SRPK2: variants seen among roughly 807,000 people sequenced by gnomAD.
The protein encoded by SRPK2 is SFRS protein kinase 2.
Under a neutral mutation model 90.8 loss-of-function variants are expected in SRPK2, and 21 were observed. The ratio of observed to expected loss-of-function variants is 0.23; its 90% CI spans 0.16 to 0.33. SRPK2 has a LOEUF of 0.33. SRPK2 is among the 10% of genes least tolerant of loss of function. SRPK2 has a pLI of 1.00. For synonymous variants in SRPK2, 288 were observed against 311.1 expected (o/e 0.93, Z 0.78); for missense variants, 620 against 869.0 (o/e 0.71, Z 3.60).
At position 105,388,656 on chromosome 7, in the gene SRPK2, A is replaced by T. The variant is rs1461740892; in HGVS notation, c.63T>A (p.His21Gln). Residue 21 changes from histidine (H) to glutamine (Q), a missense_variant, in exon 2 of 16, where the codon CAT becomes CAA. This residue lies in a region of SRPK2 where 56 missense variants were observed against 49.6 expected (regional missense o/e 1.13). Coordinates refer to ENST00000393651, the MANE Select transcript of SRPK2 (RefSeq NM_182692.3). ...GCGCAGCGTGGACTCACTTTTTCGG[A>T]TGTTTCTCTCTTTTCGGCCTCCGCT... is the stretch of plus-strand genomic sequence containing the variant. ...ARKRRPKREK[H>Q]PKKPEPQQKA... 4 of 1,585,664 alleles carry T rather than the reference A, an allele frequency of 2.5e-6. No homozygotes were observed. The highest frequency in any genetic ancestry group is 1.7e-5 in the Admixed American group (1 of 57,230).
intron 11 of SRPK2, among the ~76,000 whole-genome samples, chr7:105,141,644 T>A (rs757577203): frequency 3.5e-4 from 53 of 152,072 alleles, no homozygotes; most frequent in Non-Finnish European, 7.4e-4. Context: ...AAAACAAAAC[T>A]AAACTAAACT....
intron 2 of SRPK2, among the ~76,000 whole-genome samples, chr7:105,219,037 A>G (rs934119258): frequency 4.6e-5 from 7 of 152,068 alleles, no homozygotes; most frequent in Non-Finnish European, 8.8e-5. Flanking sequence ...TGACCAGAAA[A>G]CAGTCCACCC....
intron 2 of SRPK2, among the ~76,000 whole-genome samples, chr7:105,335,201 T>C (rs1351704728): frequency 1.3e-5 from 2 of 152,138 alleles, no homozygotes; most frequent in South Asian, 2.1e-4. Context: ...CTACTTATTA[T>C]CAAATAATTA....
At chr7:105,210,967 C>G (rs1280960158) in intron 2 of SRPK2, among the ~76,000 whole-genome samples, 1 of 152,128 alleles carries the variant, frequency 6.6e-6, no homozygotes, top group Non-Finnish European at 1.5e-5. Flanking sequence ...ATGAGTTCTG[C>G]CAACAACCAG....
upstream of SRPK2, chr7:105,389,221 G>GC (rs1822057019): frequency 8.3e-7 from 1 of 1,203,898 alleles, no homozygotes; most frequent in African/African-American, 1.7e-5. Context: ...CTCCCTCCCC[G>GC]CCGCGGCCTC....
chr7:105,302,767 C>T (rs1230377111), intron 2 of SRPK2, among the ~76,000 whole-genome samples: 1 of 152,118 alleles, frequency 6.6e-6, no homozygotes, highest in East Asian at 1.9e-4. Context: ...CTGCTAAATA[C>T]ACTAGAAAGC....
chr7:105,129,155 T>C (rs567407884), intron 13 of SRPK2, among the ~76,000 whole-genome samples: 1 of 152,110 alleles, frequency 6.6e-6, no homozygotes, highest in African/African-American at 2.4e-5. Flanking sequence ...GATTTCACCA[T>C]GTTAGCCTGA....
At chr7:105,244,488 C>A (rs1207469454) in intron 2 of SRPK2, among the ~76,000 whole-genome samples, 1 of 152,204 alleles carries the variant, frequency 6.6e-6, no homozygotes, top group Non-Finnish European at 1.5e-5. Flanking sequence ...GCGGGAGAAT[C>A]GCTTGAACCC....
intron 2 of SRPK2, chr7:105,244,937 C>G: frequency 6.8e-7 from 1 of 1,472,950 alleles, no homozygotes; most frequent in Non-Finnish European, 9.4e-7. Flanking sequence ...ACGTCCTGGC[C>G]GCCATGAGGA....
Position 105,142,221 on chromosome 7 carries a change from G to T in SRPK2, c.1330C>A (p.Gln444Lys), listed in dbSNP as rs771696154. The change falls in exon 11 of 16, where the codon CAA (glutamine) becomes AAA (lysine). Residue 444 changes from glutamine to lysine, a missense_variant. Gln to Lys is a moderately conservative substitution (Grantham distance 53). This residue lies in a region of SRPK2 where 243 missense variants were observed against 245.7 expected (regional missense o/e 0.99). Transcript: ENST00000393651. ...SDYTYSSSYE[Q>K]FNGELPNGRH... ...CCATTTGGCAATTCACCATTGAATTGTTCATAGGAGCTGCTATATGTGTAA... is the reference window on the plus strand; with the variant it reads ...CCATTTGGCAATTCACCATTGAATTTTTCATAGGAGCTGCTATATGTGTAA... 1.2e-6 allele frequency: 2 copies of T among 1,614,042 alleles called. No individual in the cohort carries two copies. The highest frequency in any genetic ancestry group is 2.2e-5 in the East Asian group (1 of 44,888).
At chr7:105,274,758 T>A (rs557398582) in intron 2 of SRPK2, among the ~76,000 whole-genome samples, 1 of 152,248 alleles carries the variant, frequency 6.6e-6, no homozygotes, top group East Asian at 1.9e-4. Context: ...TCTTACACAC[T>A]GTTACATTTC....
chr7:105,125,651 G>T, intron 15 of SRPK2: 2 of 362,308 alleles, frequency 5.5e-6, no homozygotes, highest in Middle Eastern at 3.8e-4. Context: ...TTTATTTCTT[G>T]AGAGCTTTCT....
At chr7:105,169,339 C>A in intron 3 of SRPK2, 74 bp from the exon 4 acceptor site, 1 of 1,132,280 alleles carries the variant, frequency 8.8e-7, no homozygotes, top group South Asian at 1.3e-5. Context: ...TCTCTTTTGT[C>A]ATTCTTGATG....
At chr7:105,365,710 G>C (rs1290210996) in intron 2 of SRPK2, among the ~76,000 whole-genome samples, 1 of 151,532 alleles carries the variant, frequency 6.6e-6, no homozygotes, top group Admixed American at 6.6e-5. Flanking sequence ...GAGATGGGAG[G>C]ATCATGTGAG....
At position 105,169,261 on chromosome 7, in the gene SRPK2, T is replaced by C. The variant is rs1039625069; in HGVS notation, c.234A>G (p.Gly78=). Residue 78 remains glycine, a synonymous_variant, in exon 4 of 16, where the codon GGA becomes GGG. Coordinates refer to ENST00000393651, the MANE Select transcript of SRPK2 (RefSeq NM_182692.3). ...QEDPADYCKG[G]YHPVKIGDLF... is the part of the protein sequence containing the mutation. ...GGTCTCCAATTTTCACTGGATGATATCCACCTTAAAAAACAAGAAAGAAAG... is the reference window on the plus strand; with the variant it reads ...GGTCTCCAATTTTCACTGGATGATACCCACCTTAAAAAACAAGAAAGAAAG... The C allele has an allele frequency of 1.2e-6, 2 of 1,610,492 alleles. No individual in the cohort carries two copies. The highest frequency in any genetic ancestry group is 2.2e-5 in the East Asian group (1 of 44,868).
chr7:105,375,866 T>C (rs141292090), intron 2 of SRPK2, among the ~76,000 whole-genome samples: 150 of 151,832 alleles, frequency 9.9e-4, no homozygotes, highest in African/African-American at 3.6e-3. Flanking sequence ...ACATGCAACT[T>C]ATAGCTGGGC....
At position 105,126,260 on chromosome 7, in the gene SRPK2, A is replaced by G; in HGVS notation, c.1903T>C (p.Phe635Leu). 1 of 1,613,554 alleles carries G rather than the reference A, an allele frequency of 6.2e-7. No individual in the cohort carries two copies. The highest frequency in any genetic ancestry group is 8.5e-7 in the Non-Finnish European group (1 of 1,179,426). ...GAAGAGGTACTACCTCTGCGATTGA[A>G]GAATTCCCGAGAATATTTTCCAGAT... is the stretch of plus-strand genomic sequence containing the variant. Reference protein sequence around the residue: ...ALSGKYSREFFNRRGELRHIT... With the variant: ...ALSGKYSREFLNRRGELRHIT... Residue 635 changes from phenylalanine (F) to leucine (L), a missense_variant, in exon 15 of 16, where the codon TTC (phenylalanine) becomes CTC (leucine). Coordinates refer to ENST00000393651, the MANE Select transcript of SRPK2 (RefSeq NM_182692.3).
intron 2 of SRPK2, among the ~76,000 whole-genome samples, chr7:105,351,099 G>C (rs1817119818): frequency 6.6e-6 from 1 of 152,020 alleles, no homozygotes; most frequent in Admixed American, 6.6e-5. Context: ...CTCATGAATG[G>C]AACCTATTCA....
At chr7:105,355,034 A>C (rs899417682) in intron 2 of SRPK2, among the ~76,000 whole-genome samples, 3 of 152,128 alleles carry the variant, frequency 2.0e-5, no homozygotes, top group Admixed American at 1.3e-4. Context: ...ATCCAGTATA[A>C]TGTTTTCAAG....
Sources: gnomAD v4.1 joint callset for allele counts (sites outside exome capture counted in the v4.1 genomes callset) on GRCh38, gnomAD v4.1.1 for gene constraint, gnomAD v4.1.1 regional missense constraint, MANE v1.5 for transcripts, NCBI Gene and HGNC (gene_info 2026-07-23, HGNC 2026-07-21) for gene names.